The following SLC37A1 variants were observed in gnomAD, a reference collection of about 807,000 sequenced individuals.
SLC37A1 encodes the protein glucose-6-phosphate exchanger SLC37A1.
A neutral mutation model predicts 75.3 loss-of-function variants in SLC37A1; 49 were observed. The ratio of observed to expected loss-of-function variants is 0.65; its 90% CI spans 0.52 to 0.83. The LOEUF (loss-of-function observed/expected upper bound fraction) is 0.83, where lower values mean the gene tolerates loss of function less well. Ranked by LOEUF, SLC37A1 falls within the 40% of genes least tolerant of loss-of-function variation. The pLI is 0.00. For synonymous variants in SLC37A1, 268 were observed against 292.1 expected, an observed-to-expected ratio of 0.92 and a Z score of 0.84; for missense variants, 566 against 695.0, an observed-to-expected ratio of 0.81 and a Z score of 2.09.
At chr21:42,521,955 G>T (rs1217002891) in intron 2 of SLC37A1, among the ~76,000 whole-genome samples, 3 of 152,190 alleles carry the variant, frequency 2.0e-5, no homozygotes, top group African/African-American at 7.2e-5. Flanking sequence ...AGTGTCAGCA[G>T]GGCCACACTT....
rs1474128269 is a variant in SLC37A1 at position 42,570,121 on chromosome 21, C to CCA, written c.1423+1683_1423+1684insCA. Among the ~76,000 whole-genome samples the CCA allele has an allele frequency of 7.3e-5, 5 of 68,250 alleles. 1 individual carries two copies. The highest frequency in any genetic ancestry group is 2.0e-4 in the Non-Finnish European group (5 of 25,072). 44.8% of individuals were successfully genotyped at this position (68,250 alleles called of 152,430 possible). On this transcript the variant is annotated intron_variant, in intron 17 of 19. Transcript: ENST00000352133. ...TTCTGAGAAGTGGTGGGCAGGGTGGCTGTTGCCATGTGACACACGGCCTGG... is the reference window on the plus strand; with the variant it reads ...TTCTGAGAAGTGGTGGGCAGGGTGGCCATGTTGCCATGTGACACACGGCCTGG...
At chr21:42,527,288 C>T (rs761361650) in intron 3 of SLC37A1, among the ~76,000 whole-genome samples, 37 of 152,092 alleles carry the variant, frequency 2.4e-4, no homozygotes, top group Non-Finnish European at 3.7e-4. Flanking sequence ...TGTCAGGCCA[C>T]AGCTGTTGGG....
rs751761657 is a variant in SLC37A1 at position 42,526,456 on chromosome 21, C to T, written c.138+599C>T. On this transcript the variant is annotated intron_variant, in intron 3 of 19. Transcript: ENST00000352133. ...GCCTGAGAGGCATTAGAGTCTCTAT[C>T]GTAGAAGAACGAGGAAATCATCCAC... Among the ~76,000 whole-genome samples the T allele has an allele frequency of 4.6e-5, 7 of 152,240 alleles. No homozygotes were observed. In the South Asian group the frequency reaches 6.2e-4, roughly 14 times the overall value.
chr21:42,526,412 G>C (rs578198792), intron 3 of SLC37A1, among the ~76,000 whole-genome samples: 3 of 152,302 alleles, frequency 2.0e-5, no homozygotes, highest in African/African-American at 7.2e-5. Flanking sequence ...TACGTCACCC[G>C]GCCTGTAGAC....
At chr21:42,565,207 C>T (rs965314512) in intron 14 of SLC37A1, among the ~76,000 whole-genome samples, 6 of 152,272 alleles carry the variant, frequency 3.9e-5, no homozygotes, top group Admixed American at 6.5e-5. Context: ...CTCTATGCCC[C>T]AGTTCCCTCA....
chr21:42,537,677 G>T (rs940622339), intron 5 of SLC37A1, among the ~76,000 whole-genome samples: 2 of 152,148 alleles, frequency 1.3e-5, no homozygotes, highest in African/African-American at 2.4e-5. Flanking sequence ...TAGTGCTGGG[G>T]TTCAGAAAGC....
At chr21:42,562,221 A>G in intron 12 of SLC37A1, 53 bp downstream of exon 12, 1 of 1,505,860 alleles carries the variant, frequency 6.6e-7, no homozygotes, top group Non-Finnish European at 9.2e-7. Flanking sequence ...TGGGGTCCGA[A>G]GTCTCTTCTG....
rs1401958677 is a variant in SLC37A1 at position 42,580,936 on chromosome 21, TC to T, written c.*578del. 2.5e-5 allele frequency: 4 copies of T among 158,532 alleles called. No individual in the cohort carries two copies. The highest frequency in any genetic ancestry group is 3.8e-4 in the East Asian group (2 of 5,248). The allele number at this position is 158,532 out of a possible 1,614,324, so 9.8% of individuals were successfully genotyped here. On this transcript the variant is annotated 3_prime_UTR_variant, in exon 20 of 20. Transcript: ENST00000352133. Reference sequence around the variant, plus strand: ...CCCACCACATCGCCCCAGAGGCTTTTCCAGCACCCATGATGTTTCGGACTGA... The same window carrying T: ...CCCACCACATCGCCCCAGAGGCTTTTCAGCACCCATGATGTTTCGGACTGA...
At chr21:42,525,363 A>G (rs1372110662) in intron 2 of SLC37A1, among the ~76,000 whole-genome samples, 11 of 152,238 alleles carry the variant, frequency 7.2e-5, no homozygotes, top group South Asian at 2.1e-4. Flanking sequence ...GAAGCGGGGC[A>G]GCCTCGGCCG....
At chr21:42,519,284 G>A (rs1005675027) in intron 2 of SLC37A1, among the ~76,000 whole-genome samples, 1 of 152,206 alleles carries the variant, frequency 6.6e-6, no homozygotes, top group African/African-American at 2.4e-5. Context: ...CTTCACAGGG[G>A]AAGGGGAGTG....
At chr21:42,554,016 A>G (rs1186390608) in intron 9 of SLC37A1, 46 bp from the exon 10 acceptor site, 1 of 1,491,896 alleles carries the variant, frequency 6.7e-7, no homozygotes, top group Non-Finnish European at 9.2e-7. Flanking sequence ...TTTAATTTCT[A>G]GCTGTTGAAT....
intron 5 of SLC37A1, among the ~76,000 whole-genome samples, chr21:42,538,045 C>T (rs1381053672): frequency 6.6e-6 from 1 of 152,182 alleles, no homozygotes; most frequent in Non-Finnish European, 1.5e-5. Flanking sequence ...TTCAATTAGA[C>T]CTTTTCTTTA....
At position 42,570,063 on chromosome 21, in the gene SLC37A1, GGCCGTT is replaced by G. The variant is rs879527190; in HGVS notation, c.1423+1629_1423+1634del. On this transcript the variant is annotated intron_variant, in intron 17 of 19. Coordinates refer to ENST00000352133, the MANE Select transcript of SLC37A1 (RefSeq NM_001320537.2). ...GATTCTGAGAAGCGGCGGGCAGGGT[GGCCGTT>G]GCCATGTCATGCGACACACGGCCTG... 3.1e-3 allele frequency among the ~76,000 whole-genome samples: 461 copies of G among 148,322 alleles called. 35 individuals are homozygous for G. The highest frequency in any genetic ancestry group is 0.013 in the East Asian group (65 of 5,062).
At chr21:42,518,585 C>G in intron 2 of SLC37A1, 75 bp downstream of exon 2, 1 of 1,516,410 alleles carries the variant, frequency 6.6e-7, no homozygotes, top group Non-Finnish European at 9.1e-7. Context: ...AGTTGTGTTG[C>G]CCCAGTTTCA....
In SLC37A1 at chr21:42,514,071, G is replaced by C. The variant is rs897759058; in HGVS notation, c.-825G>C. 5 of 150,376 alleles carry C rather than the reference G, an allele frequency of 3.3e-5. No homozygotes were observed. Among genetic ancestry groups the C allele is most frequent in the African/African-American group, 4.9e-5 (2 of 41,108 alleles). The allele number at this position is 150,376 out of a possible 1,614,324, so 9.3% of individuals were successfully genotyped here. Reference sequence around the variant, plus strand: ...CCGGGCGCGGGGCCCTGCGCACTCGGAGCTCGGCTCCTCTCCTTCCTTTTC... The same window carrying C: ...CCGGGCGCGGGGCCCTGCGCACTCGCAGCTCGGCTCCTCTCCTTCCTTTTC... On this transcript the variant is annotated 5_prime_UTR_variant, in exon 1 of 20. Transcript: ENST00000352133. The surrounding 1 kb of genome is among the most constrained non-coding windows in gnomAD (Gnocchi z 4.8).
chr21:42,569,204 G>C (rs1284994741), intron 17 of SLC37A1, among the ~76,000 whole-genome samples: 3 of 152,220 alleles, frequency 2.0e-5, no homozygotes, highest in African/African-American at 7.2e-5. Flanking sequence ...GGTAGATGAA[G>C]GTGGCTCGGT....
At chr21:42,576,285 T>A (rs932423771) in intron 18 of SLC37A1, among the ~76,000 whole-genome samples, 1 of 152,044 alleles carries the variant, frequency 6.6e-6, no homozygotes, top group Non-Finnish European at 1.5e-5. Flanking sequence ...AATCTGCCCA[T>A]CTTAGCCAGA....
intron 2 of SLC37A1, among the ~76,000 whole-genome samples, chr21:42,520,646 C>CGTGTGTGTGG (rs1555880083): frequency 5.3e-5 from 8 of 151,454 alleles, no homozygotes; most frequent in Non-Finnish European, 1.0e-4. Flanking sequence ...TGTGTGTGTG[C>CGTGTGTGTGG]GTGTGTGTGG....
chr21:42,528,527 C>T (rs2054858807), intron 3 of SLC37A1, among the ~76,000 whole-genome samples: 1 of 152,206 alleles, frequency 6.6e-6, no homozygotes, highest in African/African-American at 2.4e-5. Flanking sequence ...ACACACAGGA[C>T]TTAAAAGGAG....
Sources: gnomAD v4.1 joint callset for allele counts (sites outside exome capture counted in the v4.1 genomes callset) on GRCh38, gnomAD v4.1.1 for gene constraint, Gnocchi (gnomAD v3.1) non-coding constraint, MANE v1.5 for transcripts, NCBI Gene and HGNC (gene_info 2026-07-23, HGNC 2026-07-21) for gene names.